Variants in C17orf99 observed in about 807,000 individuals in gnomAD.
C17orf99 encodes the protein chromosome 17 open reading frame 99, also known as protein IL-40.
A neutral mutation model predicts 22.6 loss-of-function variants in C17orf99; 18 were observed. The observed-to-expected ratio is 0.80, with a 90% CI of 0.55 to 1.18. The LOEUF (loss-of-function observed/expected upper bound fraction) is 1.18. Among genes scored for constraint, C17orf99 ranks in the 50% most tolerant of loss-of-function variants. The pLI, the probability that C17orf99 is intolerant of heterozygous loss-of-function variation, is 0.00. For missense variants in C17orf99, 328 were observed against 342.7 expected, an observed-to-expected ratio of 0.96 and a Z score of 0.34; for synonymous variants, 147 against 136.6, an observed-to-expected ratio of 1.08 and a Z score of -0.53.
chr17:78,146,000 C>T (rs2075435112), upstream of C17orf99, among the ~76,000 whole-genome samples: 2 of 152,180 alleles, frequency 1.3e-5, no homozygotes, highest in South Asian at 4.1e-4. Context: ...GTTGGCCAGG[C>T]TGGTCTCGAA....
In C17orf99 at chr17:78,162,273, CAAAA is replaced by C. The variant is rs35349689; in HGVS notation, c.370+1036_370+1039del. 5.3e-5 allele frequency among the ~76,000 whole-genome samples: 5 copies of C among 93,460 alleles called. No individual in the cohort carries two copies. The South Asian group carries it at 1.0e-3, about 19-fold the overall frequency. The allele number at this position is 93,460 out of a possible 152,430, so 61.3% of individuals were successfully genotyped here. A position where few individuals can be genotyped will look rare whatever the true frequency, so the allele number is the denominator to read the frequency against. On this transcript the variant is annotated intron_variant, in intron 3 of 4. Coordinates refer to ENST00000340363, the MANE Select transcript of C17orf99 (RefSeq NM_001163075.2). ...CCTGGGTGACAGCGTAAGACTATCT[CAAAA>C]AAAAAAAAAAAAAAAAGTCGCCCCA...
chr17:78,149,923 A>G (rs970456339), intron 2 of C17orf99, among the ~76,000 whole-genome samples: 7 of 151,700 alleles, frequency 4.6e-5, no homozygotes, highest in Non-Finnish European at 7.4e-5. Context: ...GTTAGCCAGG[A>G]TGGTGTTGAT....
At chr17:78,151,260 A>G (rs1168188816) in intron 2 of C17orf99, among the ~76,000 whole-genome samples, 1 of 151,686 alleles carries the variant, frequency 6.6e-6, no homozygotes, top group Non-Finnish European at 1.5e-5. Flanking sequence ...CCCTGTCTCT[A>G]CTAAAAATGC....
At chr17:78,147,842 C>T (rs1214218231) in intron 2 of C17orf99, among the ~76,000 whole-genome samples, 3 of 152,170 alleles carry the variant, frequency 2.0e-5, no homozygotes, top group South Asian at 4.1e-4. Context: ...AGCTGGGGCT[C>T]CGGGAAGTAC....
chr17:78,149,345 A>G (rs2075461099), intron 2 of C17orf99, among the ~76,000 whole-genome samples: 1 of 149,156 alleles, frequency 6.7e-6, no homozygotes, highest in African/African-American at 2.4e-5. Context: ...AAAAAAAAAA[A>G]AAAAAAAAAA....
At chr17:78,157,873 G>A (rs1285452158) in intron 2 of C17orf99, 8 of 1,014,864 alleles carry the variant, frequency 7.9e-6, no homozygotes, top group Non-Finnish European at 4.4e-6. Context: ...TCGTCGAGAT[G>A]TCTACTTCGA....
intron 4 of C17orf99, chr17:78,165,672 C>T (rs2075611963): frequency 4.4e-6 from 4 of 899,358 alleles, no homozygotes; most frequent in South Asian, 5.5e-5. Context: ...CGTGGTGGTG[C>T]GCACCTGTAG....
intron 3 of C17orf99, among the ~76,000 whole-genome samples, chr17:78,162,498 C>T (rs1015739817): frequency 6.6e-6 from 1 of 151,948 alleles, no homozygotes; most frequent in Non-Finnish European, 1.5e-5. Flanking sequence ...CTTTGGCCCG[C>T]ACCCTAAGAA....
intron 2 of C17orf99, among the ~76,000 whole-genome samples, 181 bp downstream of exon 2, chr17:78,147,092 A>G (rs1304018984): frequency 6.6e-6 from 1 of 152,122 alleles, no homozygotes; most frequent in Non-Finnish European, 1.5e-5. Context: ...AGTGATGGAG[A>G]TGGGCAGGCC....
rs1414902969 is a variant in C17orf99 at position 78,146,988 on chromosome 17, C to T, written c.70+77C>T. The stretch of plus-strand genomic sequence containing the variant: ...GTCAGAACCCCCATGGTGGAGGGCG[C>T]CTCGGCTGGGAAGGGAGTTACTAGT... On this transcript the variant is annotated intron_variant, in intron 2 of 4. Transcript: ENST00000340363. This position sits in a 1 kb window ranked among gnomAD's most constrained non-coding sequence, Gnocchi z 5.2. The T allele has an allele frequency of 1.5e-6, 2 of 1,341,542 alleles. No individual in the cohort carries two copies. The highest frequency in any genetic ancestry group is 2.9e-5 in the African/African-American group (2 of 68,852). The allele number at this position is 1,341,542 out of a possible 1,614,324, so 83.1% of individuals were successfully genotyped here. A position where few individuals can be genotyped will look rare whatever the true frequency, so the allele number is the denominator to read the frequency against.
At chr17:78,160,871 C>A in intron 2 of C17orf99, 84 bp from the exon 3 acceptor site, 2 of 1,178,928 alleles carry the variant, frequency 1.7e-6, no homozygotes, top group Non-Finnish European at 2.4e-6. Flanking sequence ...TGTTTGCCAC[C>A]GAGCCTGGCC....
rs61377640 is a variant in C17orf99, at chr17:78,166,155, CAAAAAAAAAAA to C, written c.*121_*131del. On this transcript the variant is annotated 3_prime_UTR_variant, in exon 5 of 5. Coordinates refer to ENST00000340363, the MANE Select transcript of C17orf99 (RefSeq NM_001163075.2). ...GAGTGTGTTTTAGCTGCTCTTGCCA[CAAAAAAAAAAA>C]AAAAAAAAAAAGGGTAACTATGAGA... The C allele has an allele frequency of 1.4e-5, 2 of 141,476 alleles. No homozygotes were observed. The highest frequency in any genetic ancestry group is 2.4e-5 in the Non-Finnish European group (2 of 82,292). The allele number at this position is 141,476 out of a possible 1,614,324, so 8.8% of individuals were successfully genotyped here.
chr17:78,161,001 C>A lies in C17orf99; in HGVS notation c.117C>A (p.Phe39Leu), dbSNP rs762356679. 6.4e-7 allele frequency: 1 copy of A among 1,551,634 alleles called. No individual in the cohort carries two copies. The highest frequency in any genetic ancestry group is 1.2e-5 in the South Asian group (1 of 84,064). The change falls in exon 3 of 5, where the codon TTC (phenylalanine) becomes TTA (leucine). Residue 39 changes from phenylalanine (F) to leucine (L), a missense_variant. Transcript: ENST00000340363. Reference protein sequence around the residue: ...VSIAYKVLEVFPKGRWVLITC... With the variant: ...VSIAYKVLEVLPKGRWVLITC... ...TTGCCTACAAAGTCCTGGAAGTTTTCCCCAAAGGCCGCTGGGTGCTCATAA... is the reference window on the plus strand; with the variant it reads ...TTGCCTACAAAGTCCTGGAAGTTTTACCCAAAGGCCGCTGGGTGCTCATAA...
intron 4 of C17orf99, chr17:78,164,581 C>T: frequency 6.5e-7 from 1 of 1,529,112 alleles, no homozygotes; most frequent in Non-Finnish European, 8.8e-7. Context: ...TTGCCCAGGG[C>T]ACCCACCATC....
At chr17:78,149,712 ATT>A (rs547613367) in intron 2 of C17orf99, among the ~76,000 whole-genome samples, 11 of 141,102 alleles carry the variant, frequency 7.8e-5, no homozygotes, top group African/African-American at 1.0e-4. Context: ...ATTTAATTTA[ATT>A]TTTTTTTTTT....
Position 78,150,654 on chromosome 17 carries a change from T to A in C17orf99, c.70+3743T>A, listed in dbSNP as rs192060274. Among the ~76,000 whole-genome samples, 313 of 152,264 alleles carry A rather than the reference T, an allele frequency of 2.1e-3. 1 individual carries two copies. The highest frequency in any genetic ancestry group is 5.8e-3 in the African/African-American group (239 of 41,532). ...GTCAAGAAGGTGTTGTCCCCCTTTG[T>A]CCTAGCCCCATGACATGAAGGCTGC... On this transcript the variant is annotated intron_variant, in intron 2 of 4. Coordinates refer to ENST00000340363, the MANE Select transcript of C17orf99 (RefSeq NM_001163075.2).
At position 78,161,168 on chromosome 17, in the gene C17orf99, T is replaced by G. The variant is rs1164078555; in HGVS notation, c.284T>G (p.Leu95Arg). 40 of 1,551,684 alleles carry G rather than the reference T, an allele frequency of 2.6e-5. No individual in the cohort carries two copies. Among genetic ancestry groups the G allele is most frequent in the Non-Finnish European group, 3.5e-5 (40 of 1,146,994 alleles). Residue 95 changes from leucine to arginine, a missense_variant, in exon 3 of 5, where the codon CTG (leucine) becomes CGG (arginine). Coordinates refer to ENST00000340363, the MANE Select transcript of C17orf99 (RefSeq NM_001163075.2). Reference sequence around the variant, plus strand: ...GTCACACTCAAGTCCAGTCCAGACCTGCTCACCTACTTCTGCTGGGCGTCC... The same window carrying G: ...GTCACACTCAAGTCCAGTCCAGACCGGCTCACCTACTTCTGCTGGGCGTCC... ...LNVTLKSSPDLLTYFCWASST... is the reference protein window; with the variant it reads ...LNVTLKSSPDRLTYFCWASST...
chr17:78,148,901 C>T (rs566205905), intron 2 of C17orf99, among the ~76,000 whole-genome samples: 2 of 152,202 alleles, frequency 1.3e-5, no homozygotes, highest in Non-Finnish European at 2.9e-5. Flanking sequence ...CCAAGAGAGC[C>T]ATTAGGCTAC....
At chr17:78,150,463 T>C (rs1273068328) in intron 2 of C17orf99, among the ~76,000 whole-genome samples, 1 of 152,126 alleles carries the variant, frequency 6.6e-6, no homozygotes, top group Non-Finnish European at 1.5e-5. Flanking sequence ...TCCCCAAGAA[T>C]TCTGGCAAGT....
Sources: gnomAD v4.1 joint callset for allele counts (sites outside exome capture counted in the v4.1 genomes callset) on GRCh38, gnomAD v4.1.1 for gene constraint, Gnocchi (gnomAD v3.1) non-coding constraint, MANE v1.5 for transcripts, NCBI Gene and HGNC (gene_info 2026-07-23, HGNC 2026-07-21) for gene names.